Variants in JADE3 observed in about 807,000 individuals in gnomAD.
The protein encoded by JADE3 is jade family PHD finger 3, also known as protein Jade-3.
In JADE3, 2 loss-of-function variants were observed where a neutral mutation model predicts 50.1. The ratio of observed to expected loss-of-function variants is 0.04; its 90% CI spans 0.02 to 0.13. JADE3 has a LOEUF of 0.13. JADE3 is among the 10% of genes least tolerant of loss of function. JADE3 has a pLI of 1.00. For missense variants in JADE3, 475 were observed against 634.4 expected, an observed-to-expected ratio of 0.75 and a Z score of 2.70; for synonymous variants, 218 against 232.9, an observed-to-expected ratio of 0.94 and a Z score of 0.58.
intron 4 of JADE3, among the ~76,000 whole-genome samples, chrX:47,012,651 T>C (rs1427988025): frequency 9.0e-6 from 1 of 111,030 alleles, no homozygotes. Context: ...TTGTTGTTGC[T>C]TGTCCTTTTG....
chrX:46,928,538 A>G (rs913212417), intron 1 of JADE3, among the ~76,000 whole-genome samples: 1 of 111,584 alleles, frequency 9.0e-6, no homozygotes, highest in Admixed American at 9.5e-5. Context: ...AATATCGATT[A>G]TCATTTTGTG....
At chrX:47,019,171 A>T (rs923338920) in intron 4 of JADE3, among the ~76,000 whole-genome samples, 1 of 111,484 alleles carries the variant, frequency 9.0e-6, no homozygotes, top group Admixed American at 9.5e-5. Context: ...AGGGGAAGGG[A>T]GATAGACTTC....
chrX:46,968,672 G>T (rs1020285631), intron 1 of JADE3, among the ~76,000 whole-genome samples: 16 of 110,775 alleles, frequency 1.4e-4, no homozygotes, highest in African/African-American at 4.6e-4. Context: ...AGATATCACA[G>T]CAAAGAAAAT....
chrX:46,929,657 G>T (rs1287373904), intron 1 of JADE3, among the ~76,000 whole-genome samples: 10 of 111,980 alleles, frequency 8.9e-5, no homozygotes, highest in African/African-American at 3.2e-4. Flanking sequence ...TAAGTAGTGT[G>T]TGTACCCTCT....
At chrX:47,035,680 A>C (rs1001862661) in intron 7 of JADE3, among the ~76,000 whole-genome samples, 3 of 111,398 alleles carry the variant, frequency 2.7e-5, no homozygotes, top group Admixed American at 1.9e-4. Context: ...GGGCAGAACC[A>C]GTACTAGTTT....
intron 4 of JADE3, among the ~76,000 whole-genome samples, chrX:47,018,693 T>C (rs1465937489): frequency 8.9e-6 from 1 of 112,245 alleles, no homozygotes; most frequent in Non-Finnish European, 1.9e-5. Flanking sequence ...TTTGCAGTTT[T>C]CCAGTTACTA....
At chrX:46,936,256 T>G (rs1184321266) in intron 1 of JADE3, among the ~76,000 whole-genome samples, 2 of 111,418 alleles carry the variant, frequency 1.8e-5, no homozygotes, top group Non-Finnish European at 3.8e-5. Flanking sequence ...TGATCTCAGG[T>G]GATCCGCCCA....
intron 4 of JADE3, 117 bp from the exon 5 acceptor site, chrX:47,024,607 C>T (rs1928866714): frequency 2.4e-6 from 1 of 413,066 alleles, no homozygotes; most frequent in South Asian, 5.4e-5. Context: ...TTTGTAAAAC[C>T]ATTTGCTTTC....
intron 8 of JADE3, among the ~76,000 whole-genome samples, chrX:47,041,345 A>G (rs1929248878): frequency 9.0e-6 from 1 of 111,383 alleles, no homozygotes; most frequent in African/African-American, 3.3e-5. Context: ...CATTGGATTT[A>G]TATCCAGTAA....
intron 7 of JADE3, among the ~76,000 whole-genome samples, chrX:47,038,023 A>G (rs185798964): frequency 1.8e-5 from 2 of 111,021 alleles, no homozygotes; most frequent in Non-Finnish European, 3.8e-5. Context: ...TTTAGATCCC[A>G]CAAATAAATG....
At chrX:46,976,193 G>A (rs1358652678) in intron 1 of JADE3, among the ~76,000 whole-genome samples, 5 of 111,499 alleles carry the variant, frequency 4.5e-5, no homozygotes. Context: ...TGTCTCATGG[G>A]TATATAGTAG....
intron 1 of JADE3, among the ~76,000 whole-genome samples, chrX:46,980,121 C>T (rs1556352624): frequency 9.1e-6 from 1 of 109,694 alleles, no homozygotes; most frequent in Non-Finnish European, 1.9e-5. Flanking sequence ...CTCAAATGAT[C>T]CGTCCGCCTT....
At chrX:46,915,632 T>C in intron 1 of JADE3, among the ~76,000 whole-genome samples, 1 of 111,710 alleles carries the variant, frequency 9.0e-6, no homozygotes, top group East Asian at 2.8e-4. Context: ...TTGAGTTTTC[T>C]GATTTCTGGA....
intron 2 of JADE3, 64 bp downstream of exon 2, chrX:46,985,004 C>A: frequency 1.1e-6 from 1 of 923,121 alleles, no homozygotes; most frequent in Non-Finnish European, 1.6e-6. Context: ...TTTTTCCTTT[C>A]ATTTGAGGAT....
Position 47,043,555 on chromosome X carries a change from C to T in JADE3, c.972+4490C>T, listed in dbSNP as rs782567921. Among the ~76,000 whole-genome samples the T allele has an allele frequency of 9.8e-5, 11 of 112,235 alleles. No homozygotes were observed. In the South Asian group the frequency reaches 2.6e-3, roughly 26 times the overall value. ...GGAAAAGAGGCTGGGTGCAGTGGCTCACGCCTGTAATCCCAGCACTTTGGG... is the reference window on the plus strand; with the variant it reads ...GGAAAAGAGGCTGGGTGCAGTGGCTTACGCCTGTAATCCCAGCACTTTGGG... On this transcript the variant is annotated intron_variant, in intron 8 of 10. Transcript: ENST00000614628.
At chrX:46,931,748 C>A (rs782332273) in intron 1 of JADE3, among the ~76,000 whole-genome samples, 18 of 111,692 alleles carry the variant, frequency 1.6e-4, no homozygotes, top group African/African-American at 3.9e-4. Context: ...TAAATTAAAG[C>A]GTAATCAAAG....
At chrX:46,929,589 C>T in intron 1 of JADE3, among the ~76,000 whole-genome samples, 1 of 111,550 alleles carries the variant, frequency 9.0e-6, no homozygotes, top group South Asian at 3.8e-4. Context: ...TTCACTATAC[C>T]CTTGTTTCCC....
At chrX:46,951,779 C>CTG (rs1556345201) in intron 1 of JADE3, among the ~76,000 whole-genome samples, 1 of 110,220 alleles carries the variant, frequency 9.1e-6, no homozygotes, top group African/African-American at 3.3e-5. Flanking sequence ...CTCCATTCTG[C>CTG]TGTTGTGTTC....
intron 2 of JADE3, 25 bp from the exon 3 acceptor site, chrX:46,985,688 A>AT (rs782475147): frequency 1.9e-6 from 2 of 1,032,515 alleles, no homozygotes; most frequent in Non-Finnish European, 2.7e-6. Context: ...GTGTCTCAGT[A>AT]TTTTTTTCTA....
Sources: gnomAD v4.1 joint callset for allele counts (sites outside exome capture counted in the v4.1 genomes callset) on GRCh38, gnomAD v4.1.1 for gene constraint, MANE v1.5 for transcripts, NCBI Gene and HGNC (gene_info 2026-07-23, HGNC 2026-07-21) for gene names.